DVL3: variants seen among roughly 807,000 people sequenced by gnomAD.
DVL3 encodes the protein dishevelled segment polarity protein 3, also known as segment polarity protein dishevelled homolog DVL-3.
A neutral mutation model predicts 67.4 loss-of-function variants in DVL3; 27 were observed. That is an observed-to-expected ratio of 0.40 (90% CI 0.30 to 0.55). The LOEUF is 0.55. Ranked by LOEUF, DVL3 falls within the 20% of genes least tolerant of loss-of-function variation. The pLI, the probability that DVL3 is intolerant of heterozygous loss-of-function variation, is 0.46. For missense variants in DVL3, 819 were observed against 1,021.5 expected (o/e 0.80, Z 2.70); for synonymous variants, 369 against 396.8 (o/e 0.93, Z 0.83).
Position 184,165,356 on chromosome 3 carries a change from G to T in DVL3, c.694-66G>T. The stretch of plus-strand genomic sequence containing the variant: ...GGCTGCACCGGGGACTCACCTTGAG[G>T]AGGAGTCAGGTGGGAGTGAATTCCT... On this transcript the variant is annotated intron_variant, in intron 6 of 14. Transcript: ENST00000313143. The surrounding 1 kb of genome is among the most constrained non-coding windows in gnomAD (Gnocchi z 4.1). The T allele has an allele frequency of 1.3e-6, 2 of 1,572,758 alleles. No individual in the cohort carries two copies. Among genetic ancestry groups the T allele is most frequent in the Non-Finnish European group, 1.7e-6 (2 of 1,145,190 alleles).
intron 13 of DVL3, among the ~76,000 whole-genome samples, chr3:184,168,653 TG>T (rs1714685157): frequency 6.6e-6 from 1 of 152,208 alleles, no homozygotes; most frequent in Non-Finnish European, 1.5e-5. Flanking sequence ...ACTTCTCTCT[TG>T]GAAGGCTGGG....
chr3:184,172,269 C>T lies in DVL3; in HGVS notation c.*1514C>T, dbSNP rs879013525. 2.0e-5 allele frequency: 3 copies of T among 152,234 alleles called. No individual in the cohort carries two copies. Among genetic ancestry groups the T allele is most frequent in the South Asian group, 4.1e-4 (2 of 4,826 alleles). The allele number at this position is 152,234 out of a possible 1,614,324, so 9.4% of individuals were successfully genotyped here. On this transcript the variant is annotated 3_prime_UTR_variant, in exon 15 of 15. Coordinates refer to ENST00000313143, the MANE Select transcript of DVL3 (RefSeq NM_004423.4). The stretch of plus-strand genomic sequence containing the variant: ...ACCAGGTTTTATTTTTCACCTTATT[C>T]TCTACTTTAAACAAATCATAACTTT...
At chr3:184,160,154 G>A (rs955984650) in intron 1 of DVL3, among the ~76,000 whole-genome samples, 4 of 147,254 alleles carry the variant, frequency 2.7e-5, no homozygotes, top group South Asian at 2.2e-4. Context: ...GGGTTTCACC[G>A]TATTAGCCAG....
In DVL3 at chr3:184,170,541, G is replaced by A; in HGVS notation, c.1937G>A (p.Ser646Asn). The A allele has an allele frequency of 6.2e-7, 1 of 1,612,078 alleles. No individual in the cohort carries two copies. The highest frequency in any genetic ancestry group is 1.3e-5 in the African/African-American group (1 of 74,990). The change falls in exon 15 of 15, where the codon AGC becomes AAC. Residue 646 changes from serine to asparagine, a missense_variant. By Grantham distance (46) the Ser-to-Asn change is conservative (BLOSUM62 1). This residue lies in a region of DVL3 where 324 missense variants were observed against 331.3 expected (regional missense o/e 0.98). Coordinates refer to ENST00000313143, the MANE Select transcript of DVL3 (RefSeq NM_004423.4). The surrounding 1 kb of genome is among the most constrained non-coding windows in gnomAD (Gnocchi z 6.5). ...CATTCCCTGGCCAGCAGCCTTCGCA[G>A]CCACCACACACACCCGAGCTACGGT... Reference protein sequence around the residue: ...SHHSLASSLRSHHTHPSYGPP... With the variant: ...SHHSLASSLRNHHTHPSYGPP...
In DVL3 at chr3:184,165,966, G is replaced by A. The variant is rs1714568300; in HGVS notation, c.764-160G>A. Among the ~76,000 whole-genome samples the A allele has an allele frequency of 6.6e-6, 1 of 152,212 alleles. No homozygotes were observed. Among genetic ancestry groups the A allele is most frequent in the African/African-American group, 2.4e-5 (1 of 41,464 alleles). On this transcript the variant is annotated intron_variant, in intron 7 of 14. Transcript: ENST00000313143. The surrounding 1 kb of genome is among the most constrained non-coding windows in gnomAD (Gnocchi z 4.1). ...GGACTGAGTCCCTACCTTATAGCCAGCAAGGGTTCCATGGAAGCATGTTTG... is the reference window on the plus strand; with the variant it reads ...GGACTGAGTCCCTACCTTATAGCCAACAAGGGTTCCATGGAAGCATGTTTG...
At chr3:184,162,179 A>AT (rs34375222) in intron 1 of DVL3, among the ~76,000 whole-genome samples, 63,071 of 144,028 alleles carry the variant, frequency 0.44, 14,511 homozygotes, top group East Asian at 0.63. Context: ...AATGACAGCA[A>AT]TTTTTTTTTT....
Position 184,166,412 on chromosome 3 carries a change from A to G in DVL3, c.904-34A>G, listed in dbSNP as rs372490782. The G allele has an allele frequency of 1.2e-6, 2 of 1,613,536 alleles. No individual in the cohort carries two copies. Among genetic ancestry groups the G allele is most frequent in the African/African-American group, 2.7e-5 (2 of 74,890 alleles). ...GAGTTCCCTTTTCATCCTCCCCAGC[A>G]CAGCTGTTTATCCCACTCCTGGTCC... On this transcript the variant is annotated intron_variant, in intron 8 of 14. Transcript: ENST00000313143. This position sits in a 1 kb window ranked among gnomAD's most constrained non-coding sequence, Gnocchi z 6.7.
Position 184,165,622 on chromosome 3 carries a change from A to C in DVL3, c.763+131A>C. ...CTTTCGTAAACATCAGCTGATACAT[A>C]AACTGATCATTTTAGTATCTCACCA... On this transcript the variant is annotated intron_variant, in intron 7 of 14. Coordinates refer to ENST00000313143, the MANE Select transcript of DVL3 (RefSeq NM_004423.4). The surrounding 1 kb of genome is among the most constrained non-coding windows in gnomAD (Gnocchi z 4.1). 5.4e-6 allele frequency: 4 copies of C among 744,626 alleles called. No individual in the cohort carries two copies. The highest frequency in any genetic ancestry group is 9.2e-6 in the Non-Finnish European group (4 of 434,944). The allele number at this position is 744,626 out of a possible 1,614,324, so 46.1% of individuals were successfully genotyped here. A position where few individuals can be genotyped will look rare whatever the true frequency, so the allele number is the denominator to read the frequency against.
chr3:184,162,373 C>T (rs932496038), intron 1 of DVL3, among the ~76,000 whole-genome samples: 6 of 151,460 alleles, frequency 4.0e-5, no homozygotes, highest in African/African-American at 1.2e-4. Context: ...TTTGTAGAGC[C>T]GGCACCTCGC....
Position 184,167,213 on chromosome 3 carries a change from G to T in DVL3, c.1198+238G>T, listed in dbSNP as rs1214442590. On this transcript the variant is annotated intron_variant, in intron 11 of 14. Transcript: ENST00000313143. This position sits in a 1 kb window ranked among gnomAD's most constrained non-coding sequence, Gnocchi z 4.6. ...CGCCTCAGTTTCCTCTTACAAAATG[G>T]GACTCACGATATAAACTTTACCAGG... is the stretch of plus-strand genomic sequence containing the variant. Among the ~76,000 whole-genome samples the T allele has an allele frequency of 6.6e-6, 1 of 152,094 alleles. No individual in the cohort carries two copies.
chr3:184,169,280 T>C (rs994963474), intron 13 of DVL3, among the ~76,000 whole-genome samples: 10 of 152,376 alleles, frequency 6.6e-5, no homozygotes, highest in African/African-American at 2.4e-4. Context: ...CTGAAGGTAG[T>C]GTTCGCTATT....
Position 184,155,433 on chromosome 3 carries a change from G to A in DVL3, c.-203G>A. ...CGCGGTCGCCAGTCCAGTCGGGAGA[G>A]TGGGGAGCGGAAGCGGCGGCCGCGG... is the stretch of plus-strand genomic sequence containing the variant. On this transcript the variant is annotated 5_prime_UTR_variant, in exon 1 of 15. In the 5' UTR this introduces an upstream ATG that the reference lacks. Transcript: ENST00000313143. The surrounding 1 kb of genome is among the most constrained non-coding windows in gnomAD (Gnocchi z 5.4). 1 of 160,698 alleles carries A rather than the reference G, an allele frequency of 6.2e-6. No homozygotes were observed. Among genetic ancestry groups the A allele is most frequent in the Non-Finnish European group, 1.3e-5 (1 of 76,434 alleles). 10.0% of individuals were successfully genotyped at this position (160,698 alleles called of 1,614,324 possible).
chr3:184,171,530 T>G lies in DVL3; in HGVS notation c.*775T>G, dbSNP rs1714839116. 1 of 985,922 alleles carries G rather than the reference T, an allele frequency of 1.0e-6. No individual in the cohort carries two copies. The highest frequency in any genetic ancestry group is 1.7e-5 in the African/African-American group (1 of 57,242). 61.1% of individuals were successfully genotyped at this position (985,922 alleles called of 1,614,324 possible). On this transcript the variant is annotated 3_prime_UTR_variant, in exon 15 of 15. Coordinates refer to ENST00000313143, the MANE Select transcript of DVL3 (RefSeq NM_004423.4). The stretch of plus-strand genomic sequence containing the variant: ...AGGCCTGAAACATTTCTTTTCTTTC[T>G]TTTTTCCTCCCCCAATTTACCCTGG...
In DVL3 at chr3:184,164,362, C is replaced by T. The variant is rs150659339; in HGVS notation, c.327C>T (p.Ile109=). ...CACCTATGGAGCGCACGGGAGGCAT[C>T]GGGGACTCCCGACCCCCATCCTTCC... ...LPPPMERTGG[I]GDSRPPSFHP... Residue 109 remains isoleucine, a synonymous_variant, in exon 3 of 15, where the codon ATC becomes ATT. Coordinates refer to ENST00000313143, the MANE Select transcript of DVL3 (RefSeq NM_004423.4). The surrounding 1 kb of genome is among the most constrained non-coding windows in gnomAD (Gnocchi z 5.3). The T allele has an allele frequency of 2.6e-5, 42 of 1,613,914 alleles. 1 individual carries two copies. Among genetic ancestry groups the T allele is most frequent in the South Asian group, 9.9e-5 (9 of 91,086 alleles).
intron 1 of DVL3, among the ~76,000 whole-genome samples, chr3:184,161,872 G>A (rs2109019793): frequency 6.6e-6 from 1 of 152,326 alleles, no homozygotes; most frequent in East Asian, 1.9e-4. Flanking sequence ...CAAGTTAACT[G>A]AATACATCTC....
chr3:184,159,034 C>A lies in DVL3; in HGVS notation c.161+3238C>A, dbSNP rs1469396379. ...CAAGCAATCCACCCACCTCGGCCTC[C>A]CCAAGTGCTGGGATTACAGGTGATG... On this transcript the variant is annotated intron_variant, in intron 1 of 14. Transcript: ENST00000313143. 6.2e-5 allele frequency among the ~76,000 whole-genome samples: 9 copies of A among 144,946 alleles called. 3 individuals carry two copies. The highest frequency in any genetic ancestry group is 1.1e-4 in the Non-Finnish European group (7 of 66,092).
rs545500057 is a variant in DVL3, at chr3:184,171,141, T to C, written c.*386T>C. 209 of 1,173,464 alleles carry C rather than the reference T, an allele frequency of 1.8e-4. No homozygotes were observed. The African/African-American group carries it at 3.1e-3, about 17-fold the overall frequency. 72.7% of individuals were successfully genotyped at this position (1,173,464 alleles called of 1,614,324 possible). On this transcript the variant is annotated 3_prime_UTR_variant, in exon 15 of 15. Coordinates refer to ENST00000313143, the MANE Select transcript of DVL3 (RefSeq NM_004423.4). ...CTCATTCTCTCGTTTCCCCTTTAGCTCCCTTTCACCATTTATTCAGCTACA... is the reference window on the plus strand; with the variant it reads ...CTCATTCTCTCGTTTCCCCTTTAGCCCCCTTTCACCATTTATTCAGCTACA...
Position 184,165,138 on chromosome 3 carries a change from A to G in DVL3, c.625A>G (p.Ser209Gly), listed in dbSNP as rs1281078077. The G allele has an allele frequency of 1.2e-6, 2 of 1,612,768 alleles. No homozygotes were observed. Among genetic ancestry groups the G allele is most frequent in the Admixed American group, 1.7e-5 (1 of 59,580 alleles). The change falls in exon 6 of 15, where the codon AGT becomes GGT. Residue 209 changes from serine to glycine, a missense_variant. Physicochemically the swap from Ser to Gly is moderately conservative, Grantham distance 56. Coordinates refer to ENST00000313143, the MANE Select transcript of DVL3 (RefSeq NM_004423.4). The surrounding 1 kb of genome is among the most constrained non-coding windows in gnomAD (Gnocchi z 4.1). Reference sequence around the variant, plus strand: ...GTTCAGCAGCTCCACAGAACAGAGCAGTGCCTCACGCCTGATGAGAAGACA... The same window carrying G: ...GTTCAGCAGCTCCACAGAACAGAGCGGTGCCTCACGCCTGATGAGAAGACA... ...SRFSSSTEQS[S>G]ASRLMRRHKR...
At position 184,155,599 on chromosome 3, in the gene DVL3, AGGCCGCGCGCG is replaced by A. The variant is rs574711258; in HGVS notation, c.-30_-20del. ...GGAGGCTCGGCCCGGCCGCCCGAGC[AGGCCGCGCGCG>A]GGCCGCCGGGCCCGAGGCCAGAGCC... On this transcript the variant is annotated 5_prime_UTR_variant, in exon 1 of 15. Transcript: ENST00000313143. The surrounding 1 kb of genome is among the most constrained non-coding windows in gnomAD (Gnocchi z 5.4). 7.7e-5 allele frequency: 92 copies of A among 1,200,254 alleles called. No individual in the cohort carries two copies. In the African/African-American group the frequency reaches 1.3e-3, roughly 17 times the overall value. 74.4% of individuals were successfully genotyped at this position (1,200,254 alleles called of 1,614,324 possible).
Sources: gnomAD v4.1 joint callset for allele counts (sites outside exome capture counted in the v4.1 genomes callset) on GRCh38, gnomAD v4.1.1 for gene constraint, gnomAD v4.1.1 regional missense constraint, Gnocchi (gnomAD v3.1) non-coding constraint, MANE v1.5 for transcripts, NCBI Gene and HGNC (gene_info 2026-07-23, HGNC 2026-07-21) for gene names.